ABCA13: variants seen among roughly 807,000 people sequenced by gnomAD.
ABCA13 encodes the protein ATP binding cassette subfamily A member 13.
Under a neutral mutation model 478.7 loss-of-function variants are expected in ABCA13, and 476 were observed. That is an observed-to-expected ratio of 0.99 (90% CI 0.92 to 1.07). ABCA13 has a LOEUF of 1.07. ABCA13 is among the 50% of genes least tolerant of loss of function. ABCA13 has a pLI of 0.00. For synonymous variants in ABCA13, 2,252 were observed against 2,158.9 expected, an observed-to-expected ratio of 1.04 and a Z score of -1.20; for missense variants, 6,060 against 5,910.6, an observed-to-expected ratio of 1.03 and a Z score of -0.83.
At chr7:48,355,046 A>G (rs969867487) in intron 31 of ABCA13, among the ~76,000 whole-genome samples, 3 of 152,054 alleles carry the variant, frequency 2.0e-5, no homozygotes, top group Admixed American at 1.3e-4. Flanking sequence ...AAATAGGTGA[A>G]TCAGTAAAGA....
rs1156562064 is a variant in ABCA13 at position 48,481,151 on chromosome 7, C to T, written c.13091C>T (p.Pro4364Leu). 6.4e-7 allele frequency: 1 copy of T among 1,573,848 alleles called. No homozygotes were observed. The highest frequency in any genetic ancestry group is 8.6e-7 in the Non-Finnish European group (1 of 1,156,824). ...TACTTGCTGGCACCATCTGAAAAACCAAGGTGTGTTCAATACTCTTGTTGG... is the reference window on the plus strand; with the variant it reads ...TACTTGCTGGCACCATCTGAAAAACTAAGGTGTGTTCAATACTCTTGTTGG... ...EEYLLAPSEK[P>L]RLGGWSFGLK... The change falls in exon 46 of 62, where the codon CCA becomes CTA. Residue 4364 changes from proline to leucine, a missense_variant. Physicochemically the swap from Pro to Leu is moderately conservative, Grantham distance 98. Coordinates refer to ENST00000435803, the MANE Select transcript of ABCA13 (RefSeq NM_152701.5).
chr7:48,278,131 C>A lies in ABCA13; in HGVS notation c.6937C>A (p.Leu2313Met). The A allele has an allele frequency of 7.2e-7, 1 of 1,394,190 alleles. No homozygotes were observed. The highest frequency in any genetic ancestry group is 9.5e-7 in the Non-Finnish European group (1 of 1,055,184). 86.4% of individuals were successfully genotyped at this position (1,394,190 alleles called of 1,614,324 possible). ...PKDKILEILK[L>M]DQFLTLMIQD... ...AGATAAAATTCTAGAAATTCTGAAA[C>A]TGGATCAATTTCTTACCCTGATGAT... is the stretch of plus-strand genomic sequence containing the variant. The change falls in exon 18 of 62, where the codon CTG becomes ATG. Residue 2313 changes from leucine to methionine, a missense_variant. By Grantham distance (15) the Leu-to-Met change is conservative. Coordinates refer to ENST00000435803, the MANE Select transcript of ABCA13 (RefSeq NM_152701.5).
intron 20 of ABCA13, among the ~76,000 whole-genome samples, chr7:48,292,331 A>G (rs953376300): frequency 2.0e-5 from 3 of 151,604 alleles, no homozygotes; most frequent in Admixed American, 6.6e-5. Context: ...TCTCCCTTCT[A>G]CCTTCCAAAT....
chr7:48,181,146 T>C (rs1795645765), intron 1 of ABCA13, among the ~76,000 whole-genome samples: 1 of 152,222 alleles, frequency 6.6e-6, no homozygotes, highest in African/African-American at 2.4e-5. Flanking sequence ...CTTGACTCAG[T>C]GTGGTCTGTG....
chr7:48,620,491 G>A (rs1007754265), intron 59 of ABCA13, among the ~76,000 whole-genome samples: 8 of 152,116 alleles, frequency 5.3e-5, no homozygotes, highest in African/African-American at 1.9e-4. Flanking sequence ...CATGTAAGAT[G>A]TTTAGCACCA....
At chr7:48,392,727 A>C (rs755877920) in intron 38 of ABCA13, among the ~76,000 whole-genome samples, 4 of 152,196 alleles carry the variant, frequency 2.6e-5, no homozygotes, top group South Asian at 4.1e-4. Flanking sequence ...GAGAGACTAG[A>C]TACAGAGTGG....
At chr7:48,293,199 C>CCT (rs1554419731) in intron 20 of ABCA13, among the ~76,000 whole-genome samples, 2 of 135,752 alleles carry the variant, frequency 1.5e-5, no homozygotes, top group Non-Finnish European at 3.4e-5. Context: ...TCAGCCCCCC[C>CCT]CCCGCCACAC....
At chr7:48,319,872 G>A (rs1327690910) in intron 27 of ABCA13, among the ~76,000 whole-genome samples, 1 of 152,066 alleles carries the variant, frequency 6.6e-6, no homozygotes, top group Admixed American at 6.5e-5. Context: ...TCTGGGAGAC[G>A]GCTCTTCATG....
Position 48,298,453 on chromosome 7 carries a change from ATAGCATTC to A in ABCA13, c.9291_9298del (p.Ser3097ArgfsTer23), listed in dbSNP as rs1444775394. The A allele has an allele frequency of 6.2e-7, 1 of 1,613,504 alleles. No individual in the cohort carries two copies. Among genetic ancestry groups the A allele is most frequent in the Non-Finnish European group, 8.5e-7 (1 of 1,179,732 alleles). ...ATCCAAATCTCGAATGAGACTATCC[ATAGCATTC>A]TAGAAGCAAATATTTCCCACTCCAA... On this transcript the variant is annotated frameshift_variant, in exon 23 of 62. Coordinates refer to ENST00000435803, the MANE Select transcript of ABCA13 (RefSeq NM_152701.5). LOFTEE classifies it high-confidence loss of function.
At chr7:48,327,098 A>C (rs1804448943) in intron 27 of ABCA13, among the ~76,000 whole-genome samples, 1 of 152,210 alleles carries the variant, frequency 6.6e-6, no homozygotes, top group African/African-American at 2.4e-5. Context: ...CATCATGTTC[A>C]CTGTATTAGT....
intron 15 of ABCA13, among the ~76,000 whole-genome samples, chr7:48,262,535 T>A (rs1485638512): frequency 1.3e-5 from 2 of 151,992 alleles, no homozygotes; most frequent in Non-Finnish European, 2.9e-5. Context: ...CCTTGTCTAT[T>A]TGCTTTCTTC....
chr7:48,471,650 A>C, intron 45 of ABCA13, 51 bp downstream of exon 45: 1 of 1,474,290 alleles, frequency 6.8e-7, no homozygotes, highest in South Asian at 1.3e-5. Flanking sequence ...TTCAAGTGAC[A>C]AAAATGAGTT....
chr7:48,254,547 T>C (rs1349474461), intron 15 of ABCA13, among the ~76,000 whole-genome samples: 1 of 152,158 alleles, frequency 6.6e-6, no homozygotes, highest in Non-Finnish European at 1.5e-5. Context: ...TCTACATAAA[T>C]CTTTTTATTA....
chr7:48,343,206 C>T (rs770964017), intron 29 of ABCA13, among the ~76,000 whole-genome samples: 3 of 151,910 alleles, frequency 2.0e-5, no homozygotes, highest in Non-Finnish European at 4.4e-5. Flanking sequence ...AAATTTGAGT[C>T]TCCTGATAGT....
intron 3 of ABCA13, among the ~76,000 whole-genome samples, chr7:48,206,643 T>A (rs1000617886): frequency 2.0e-5 from 3 of 152,188 alleles, no homozygotes; most frequent in Non-Finnish European, 4.4e-5. Flanking sequence ...ATTTTAAAAG[T>A]CTTTATTTTT....
Position 48,319,400 on chromosome 7 carries a change from C to A in ABCA13, c.9999+2104C>A, listed in dbSNP as rs575580313. Among the ~76,000 whole-genome samples, 3 of 152,280 alleles carry A rather than the reference C, an allele frequency of 2.0e-5. No homozygotes were observed. In the South Asian group the frequency reaches 6.2e-4, roughly 32 times the overall value. On this transcript the variant is annotated intron_variant, in intron 27 of 61. Transcript: ENST00000435803. Reference sequence around the variant, plus strand: ...TTGTACCTGGGATGAATTATCCTAGCAGTCAGCCATGGCTATTTGGTTTTA... The same window carrying A: ...TTGTACCTGGGATGAATTATCCTAGAAGTCAGCCATGGCTATTTGGTTTTA...
At position 48,389,203 on chromosome 7, in the gene ABCA13, C is replaced by A; in HGVS notation, c.11637C>A (p.Ala3879=). The change falls in exon 37 of 62, where the codon GCC becomes GCA. Residue 3879 remains alanine, a synonymous_variant. Transcript: ENST00000435803. ...QITALLGTNG[A]GKTTIISMLT... ...CCGCCCTGCTGGGGACAAACGGTGC[C>A]GGGAAAACCACTATCATGTGGGTCC... 6.2e-7 allele frequency: 1 copy of A among 1,613,314 alleles called. No homozygotes were observed. Among genetic ancestry groups the A allele is most frequent in the Non-Finnish European group, 8.5e-7 (1 of 1,179,566 alleles).
At chr7:48,564,271 CTT>C (rs72461939) in intron 55 of ABCA13, among the ~76,000 whole-genome samples, 18 of 147,004 alleles carry the variant, frequency 1.2e-4, no homozygotes, top group Admixed American at 1.0e-3. Context: ...TTATCCATGT[CTT>C]TTTTTTTTTG....
At chr7:48,231,869 C>T (rs1789142011) in intron 7 of ABCA13, among the ~76,000 whole-genome samples, 2 of 152,070 alleles carry the variant, frequency 1.3e-5, no homozygotes, top group African/African-American at 4.8e-5. Context: ...ACCATGTTGG[C>T]CAGGCTGGTC....
Sources: allele counts gnomAD v4.1 joint callset (sites outside exome capture counted in the v4.1 genomes callset), GRCh38; gene constraint gnomAD v4.1.1; transcripts MANE v1.5; gene names NCBI Gene and HGNC (gene_info 2026-07-23, HGNC 2026-07-21).